Variants in ADAM12 observed in about 807,000 individuals in gnomAD.
ADAM12 encodes the protein disintegrin and metalloproteinase domain-containing protein 12.
A neutral mutation model predicts 106.4 loss-of-function variants in ADAM12; 70 were observed. The observed-to-expected ratio is 0.66, with a 90% CI of 0.54 to 0.80. The LOEUF (loss-of-function observed/expected upper bound fraction) is 0.80. Among genes scored for constraint, ADAM12 ranks in the 30% least tolerant of loss-of-function variants. The pLI is 0.00. For synonymous variants in ADAM12, 420 were observed against 433.5 expected, an observed-to-expected ratio of 0.97 and a Z score of 0.39; for missense variants, 1,010 against 1,171.9, an observed-to-expected ratio of 0.86 and a Z score of 2.02.
intron 3 of ADAM12, among the ~76,000 whole-genome samples, chr10:126,165,879 T>G (rs891070122): frequency 3.3e-5 from 5 of 152,242 alleles, no homozygotes; most frequent in African/African-American, 1.2e-4. Context: ...GGATCCTAAC[T>G]ATTTAAACTG....
intron 1 of ADAM12, among the ~76,000 whole-genome samples, chr10:126,355,916 A>C (rs1348339024): frequency 1.3e-5 from 2 of 152,190 alleles, no homozygotes; most frequent in African/African-American, 2.4e-5. Context: ...AGTGGTGAAA[A>C]GTTGTGCCTG....
At chr10:126,289,393 A>C (rs1960041295) in intron 2 of ADAM12, among the ~76,000 whole-genome samples, 1 of 152,242 alleles carries the variant, frequency 6.6e-6, no homozygotes, top group Non-Finnish European at 1.5e-5. Context: ...ACCTGGGCTC[A>C]TAAGGACCAC....
intron 2 of ADAM12, among the ~76,000 whole-genome samples, chr10:126,286,002 T>A (rs933425913): frequency 1.9e-4 from 28 of 149,326 alleles, no homozygotes; most frequent in African/African-American, 6.9e-4. Context: ...TTTGGTGCTA[T>A]CCATGTCGTG....
chr10:126,210,209 A>C (rs534038901), intron 3 of ADAM12, among the ~76,000 whole-genome samples: 14 of 152,320 alleles, frequency 9.2e-5, no homozygotes, highest in African/African-American at 1.2e-4. Flanking sequence ...TCATTCTTCC[A>C]GAAATAGCAC....
chr10:126,271,596 C>T (rs1444669421), intron 3 of ADAM12, among the ~76,000 whole-genome samples: 1 of 152,148 alleles, frequency 6.6e-6, no homozygotes, highest in African/African-American at 2.4e-5. Context: ...GAAACCCGGT[C>T]TCTACAAAAA....
intron 2 of ADAM12, among the ~76,000 whole-genome samples, chr10:126,280,872 G>A (rs1375318772): frequency 6.6e-6 from 1 of 152,130 alleles, no homozygotes; most frequent in Non-Finnish European, 1.5e-5. Context: ...TATATATTTT[G>A]ATACTGTCTG....
intron 3 of ADAM12, among the ~76,000 whole-genome samples, chr10:126,234,310 A>G (rs1030843377): frequency 2.0e-5 from 3 of 152,222 alleles, no homozygotes; most frequent in Non-Finnish European, 4.4e-5. Flanking sequence ...AATAATAGTT[A>G]CAATTAAAAC....
Position 126,098,472 on chromosome 10 carries a change from C to T in ADAM12, c.940G>A (p.Gly314Ser), listed in dbSNP as rs1320578810. The change falls in exon 10 of 23, where the codon GGC (glycine) becomes AGC (serine). Residue 314 changes from glycine to serine, a missense_variant. Coordinates refer to ENST00000448723, the MANE Select transcript of ADAM12 (RefSeq NM_001288973.2). The stretch of plus-strand genomic sequence containing the variant: ...CACATGCTCATGATTGGGGCCATGC[C>T]GATGGTGGTCCCTTGGAAATAAACC... ...SGVYFQGTTIGMAPIMSMCTA... is the reference protein window; with the variant it reads ...SGVYFQGTTISMAPIMSMCTA... The T allele has an allele frequency of 3.7e-6, 6 of 1,613,880 alleles. No individual in the cohort carries two copies. Among genetic ancestry groups the T allele is most frequent in the East Asian group, 2.2e-5 (1 of 44,880 alleles).
intron 16 of ADAM12, among the ~76,000 whole-genome samples, chr10:126,047,215 C>G (rs553361151): frequency 6.6e-6 from 1 of 152,256 alleles, no homozygotes; most frequent in Non-Finnish European, 1.5e-5. Context: ...GTTCAAATGG[C>G]AGAAGAATTT....
chr10:126,387,063 G>A (rs1856687415), intron 1 of ADAM12, among the ~76,000 whole-genome samples: 5 of 152,176 alleles, frequency 3.3e-5, no homozygotes, highest in Admixed American at 3.3e-4. Context: ...AAGTGGTAAC[G>A]GTTCGTGATT....
intron 2 of ADAM12, among the ~76,000 whole-genome samples, chr10:126,293,976 C>T (rs1311463754): frequency 6.6e-6 from 1 of 152,206 alleles, no homozygotes; most frequent in Non-Finnish European, 1.5e-5. Context: ...ACACTGTCTA[C>T]CCACTGGGCT....
intron 3 of ADAM12, among the ~76,000 whole-genome samples, chr10:126,238,524 T>C (rs1958463744): frequency 6.6e-6 from 1 of 152,192 alleles, no homozygotes; most frequent in Admixed American, 6.5e-5. Context: ...AATTAAATCC[T>C]GAGAGTTCAA....
intron 2 of ADAM12, among the ~76,000 whole-genome samples, chr10:126,289,001 A>T (rs1290075649): frequency 6.8e-6 from 1 of 146,696 alleles, no homozygotes; most frequent in Non-Finnish European, 1.5e-5. Context: ...ACAGGACCAT[A>T]TAGTGACATG....
At chr10:126,273,616 G>A (rs1233813127) in intron 3 of ADAM12, among the ~76,000 whole-genome samples, 3 of 152,132 alleles carry the variant, frequency 2.0e-5, no homozygotes, top group Non-Finnish European at 2.9e-5. Context: ...GATCCCGAAG[G>A]ACCAGCCTGG....
chr10:126,084,678 T>G (rs1173226720), intron 11 of ADAM12, among the ~76,000 whole-genome samples: 1 of 152,178 alleles, frequency 6.6e-6, no homozygotes, highest in East Asian at 1.9e-4. Flanking sequence ...ATGTGCCCAG[T>G]TCTTGCCCCA....
intron 21 of ADAM12, among the ~76,000 whole-genome samples, chr10:126,026,168 A>T (rs1953869019): frequency 6.6e-6 from 1 of 152,230 alleles, no homozygotes; most frequent in Non-Finnish European, 1.5e-5. Flanking sequence ...GCAAATGGAA[A>T]ACAGAAAAAA....
chr10:126,108,471 C>T (rs1955815011), intron 8 of ADAM12, 122 bp downstream of exon 8: 2 of 834,576 alleles, frequency 2.4e-6, no homozygotes, highest in Middle Eastern at 3.4e-4. Flanking sequence ...GGACAGGAAA[C>T]AGTTCCAAAC....
At position 126,135,636 on chromosome 10, in the gene ADAM12, C is replaced by G; in HGVS notation, c.364G>C (p.Val122Leu). ...ACTGCTGAATCAGAATATCCCCGTA[C>G]ATGTCCATGGTAGTAACAGTGACCC... ...YTGHCYYHGH[V>L]RGYSDSAVSL... Residue 122 changes from valine to leucine, a missense_variant, in exon 5 of 23, where the codon GTA becomes CTA. This residue lies in a region of ADAM12 where 391 missense variants were observed against 442.9 expected (regional missense o/e 0.88). Transcript: ENST00000448723. 6.2e-7 allele frequency: 1 copy of G among 1,614,226 alleles called. No homozygotes were observed. The highest frequency in any genetic ancestry group is 8.5e-7 in the Non-Finnish European group (1 of 1,180,022).
At chr10:126,348,639 G>T (rs1364063103) in intron 1 of ADAM12, among the ~76,000 whole-genome samples, 1 of 152,118 alleles carries the variant, frequency 6.6e-6, no homozygotes, top group African/African-American at 2.4e-5. Context: ...TATTCTGCAG[G>T]ATGACTGAAC....
Sources: gnomAD v4.1 joint callset for allele counts (sites outside exome capture counted in the v4.1 genomes callset) on GRCh38, gnomAD v4.1.1 for gene constraint, gnomAD v4.1.1 regional missense constraint, MANE v1.5 for transcripts, NCBI Gene and HGNC (gene_info 2026-07-23, HGNC 2026-07-21) for gene names.